Variants in WDR49 observed in about 807,000 individuals in gnomAD.
WDR49 encodes the protein WD repeat domain 49, also known as cilia- and flagella-associated protein 337.
A neutral mutation model predicts 119.5 loss-of-function variants in WDR49; 107 were observed. The ratio of observed to expected loss-of-function variants is 0.90; its 90% confidence interval spans 0.77 to 1.05. The LOEUF is 1.05. WDR49 is among the 50% of genes least tolerant of loss of function. WDR49 has a pLI of 0.00. For missense variants in WDR49, 1,240 were observed against 1,220.5 expected (o/e 1.02, Z -0.24); for synonymous variants, 425 against 418.8 (o/e 1.01, Z -0.18).
intron 2 of WDR49, 101 bp downstream of exon 2, chr3:167,653,160 A>G: frequency 7.8e-7 from 1 of 1,281,702 alleles, no homozygotes; most frequent in Non-Finnish European, 1.1e-6. Context: ...TATAACAATT[A>G]AGTGTATTTT....
Position 167,545,351 on chromosome 3 carries a change from C to G in WDR49, c.1824-8351G>C, listed in dbSNP as rs149320724. ...CCAGCAATCCCACTATGGGGTATCT[C>G]CCCAGACAAAAAGAAGTCATTATAT... On this transcript the variant is annotated intron_variant, in intron 10 of 18. Transcript: ENST00000682715. Among the ~76,000 whole-genome samples the G allele has an allele frequency of 1.8e-3, 277 of 151,300 alleles. 1 individual carries two copies. The highest frequency in any genetic ancestry group is 6.6e-3 in the African/African-American group (272 of 41,340).
chr3:167,607,510 G>A (rs76540677), intron 5 of WDR49, among the ~76,000 whole-genome samples: 326 of 152,282 alleles, frequency 2.1e-3, no homozygotes, highest in African/African-American at 7.4e-3. Flanking sequence ...ATAATCTTTA[G>A]TGGGTAAATT....
chr3:167,551,421 A>T (rs1577234404), intron 10 of WDR49, among the ~76,000 whole-genome samples: 1 of 152,072 alleles, frequency 6.6e-6, no homozygotes, highest in East Asian at 1.9e-4. Context: ...CTTCATATGT[A>T]CTGATTCATT....
intron 18 of WDR49, among the ~76,000 whole-genome samples, chr3:167,484,886 A>G (rs1244970098): frequency 6.6e-6 from 1 of 152,150 alleles, no homozygotes; most frequent in Non-Finnish European, 1.5e-5. Context: ...ATAAAGACAT[A>G]TGCACACGTA....
chr3:167,565,720 C>T (rs1046316025), intron 8 of WDR49, among the ~76,000 whole-genome samples: 1 of 152,052 alleles, frequency 6.6e-6, no homozygotes, highest in Non-Finnish European at 1.5e-5. Flanking sequence ...GCAAGGAAGC[C>T]AGCAAGGCTT....
At chr3:167,604,947 T>G (rs1260197979) in intron 5 of WDR49, among the ~76,000 whole-genome samples, 1 of 152,040 alleles carries the variant, frequency 6.6e-6, no homozygotes, top group Non-Finnish European at 1.5e-5. Context: ...AAAAAGAGCA[T>G]CCCTCATTAA....
At chr3:167,556,102 T>C (rs1377448760) in intron 9 of WDR49, among the ~76,000 whole-genome samples, 3 of 152,220 alleles carry the variant, frequency 2.0e-5, no homozygotes, top group African/African-American at 7.2e-5. Flanking sequence ...GAAATGTTGC[T>C]AGACAGTTTA....
intron 17 of WDR49, among the ~76,000 whole-genome samples, chr3:167,504,466 T>G (rs960511631): frequency 6.6e-6 from 1 of 152,200 alleles, no homozygotes; most frequent in Non-Finnish European, 1.5e-5. Flanking sequence ...TTTTGGCCAG[T>G]TTCTCCTTTT....
intron 16 of WDR49, among the ~76,000 whole-genome samples, chr3:167,520,256 A>G (rs909238703): frequency 6.6e-6 from 1 of 151,976 alleles, no homozygotes; most frequent in Non-Finnish European, 1.5e-5. Context: ...AAAAAAAAAA[A>G]TGTTTAAAGG....
intron 10 of WDR49, among the ~76,000 whole-genome samples, chr3:167,547,201 T>G (rs1442457288): frequency 6.6e-6 from 1 of 151,898 alleles, no homozygotes. Flanking sequence ...TTATTAAGAA[T>G]GTAATATCTT....
At chr3:167,548,481 C>T (rs1443762284) in intron 10 of WDR49, among the ~76,000 whole-genome samples, 1 of 151,978 alleles carries the variant, frequency 6.6e-6, no homozygotes, top group Admixed American at 6.6e-5. Context: ...CTGCAACTCT[C>T]CTGCAATGGG....
intron 18 of WDR49, among the ~76,000 whole-genome samples, chr3:167,481,817 G>A (rs1750727305): frequency 6.6e-6 from 1 of 152,124 alleles, no homozygotes; most frequent in Non-Finnish European, 1.5e-5. Flanking sequence ...AATAGCACGA[G>A]AAAGACTGGC....
Position 167,522,419 on chromosome 3 carries a change from A to G in WDR49, c.2670T>C (p.Ser890=), listed in dbSNP as rs1215979521. 6.8e-6 allele frequency: 11 copies of G among 1,611,724 alleles called. No individual in the cohort carries two copies. In the Admixed American group the frequency reaches 1.8e-4, roughly 27 times the overall value. The part of the protein sequence containing the change: ...LPKRDTNLVE[S]EIQKEISLFS... ...ATAAAGAAATTTCCTTTTGAATCTC[A>G]CTTTCCACTAAATTAGTATCTCTTT... Residue 890 remains serine (S), a synonymous_variant, in exon 16 of 19, where the codon AGT becomes AGC. Transcript: ENST00000682715.
intron 16 of WDR49, among the ~76,000 whole-genome samples, chr3:167,507,025 A>G (rs1430724253): frequency 6.6e-6 from 1 of 152,124 alleles, no homozygotes; most frequent in Non-Finnish European, 1.5e-5. Flanking sequence ...GTTGATGTTA[A>G]CCTCAATTAC....
chr3:167,507,286 C>T lies in WDR49; in HGVS notation c.2775-1870G>A, dbSNP rs953587558. On this transcript the variant is annotated intron_variant, in intron 16 of 18. Coordinates refer to ENST00000682715, the MANE Select transcript of WDR49 (RefSeq NM_001366157.1). ...TCATTGGATAGGTGGGCAGTTTTTC[C>T]CCAATTGCACTGGAATGACATCCCT... is the stretch of plus-strand genomic sequence containing the variant. 3.3e-5 allele frequency among the ~76,000 whole-genome samples: 5 copies of T among 151,884 alleles called. No individual in the cohort carries two copies. The East Asian group carries it at 9.7e-4, about 29-fold the overall frequency.
intron 18 of WDR49, among the ~76,000 whole-genome samples, chr3:167,488,276 G>C (rs1751002145): frequency 6.6e-6 from 1 of 151,376 alleles, no homozygotes; most frequent in African/African-American, 2.4e-5. Context: ...AAAATCCTAA[G>C]CAAATTAATG....
chr3:167,589,099 GGATTT>G (rs1714974713), intron 7 of WDR49, among the ~76,000 whole-genome samples: 1 of 151,952 alleles, frequency 6.6e-6, no homozygotes, highest in South Asian at 2.1e-4. Context: ...TAATCAATTT[GGATTT>G]AATTTTTGTA....
At chr3:167,614,001 C>G (rs933899119) in intron 5 of WDR49, among the ~76,000 whole-genome samples, 1 of 150,884 alleles carries the variant, frequency 6.6e-6, no homozygotes, top group Admixed American at 6.6e-5. Flanking sequence ...GTATCTTCTT[C>G]TAGCCCTGGT....
intron 17 of WDR49, among the ~76,000 whole-genome samples, chr3:167,505,063 C>T (rs543818061): frequency 6.6e-6 from 1 of 152,252 alleles, no homozygotes; most frequent in South Asian, 2.1e-4. Context: ...TATAGCAATG[C>T]AAGAGTGGTC....
Sources: gnomAD v4.1 joint callset for allele counts (sites outside exome capture counted in the v4.1 genomes callset) on GRCh38, gnomAD v4.1.1 for gene constraint, MANE v1.5 for transcripts, NCBI Gene and HGNC (gene_info 2026-07-23, HGNC 2026-07-21) for gene names.